Variants in FBXW7 observed in about 807,000 individuals in gnomAD.
FBXW7 encodes F-box and WD repeat domain containing 7, also known as F-box/WD repeat-containing protein 7.
Under a neutral mutation model 86.3 loss-of-function variants are expected in FBXW7, and 11 were observed. That is an observed-to-expected ratio of 0.13 (90% confidence interval 0.08 to 0.21). The LOEUF (loss-of-function observed/expected upper bound fraction) is 0.21, where lower values mean the gene tolerates loss of function less well. FBXW7 is among the 10% of genes least tolerant of loss of function. The probability of loss-of-function intolerance (pLI) is 1.00; values close to 1 mark genes in which losing one functional copy is unlikely to be tolerated. For synonymous variants in FBXW7, 313 were observed against 297.9 expected (o/e 1.05, Z -0.52); for missense variants, 488 against 847.4 (o/e 0.58, Z 5.27).
At chr4:152,408,803 T>C (rs916706580) in intron 4 of FBXW7, among the ~76,000 whole-genome samples, 2 of 152,222 alleles carry the variant, frequency 1.3e-5, no homozygotes, top group Admixed American at 1.3e-4. Flanking sequence ...AAATCTCTCA[T>C]CACGTAGTGT....
At chr4:152,390,201 G>C (rs1486384321) in intron 4 of FBXW7, among the ~76,000 whole-genome samples, 1 of 150,442 alleles carries the variant, frequency 6.6e-6, no homozygotes, top group Non-Finnish European at 1.5e-5. Flanking sequence ...GTAAACTTTG[G>C]ATTTTATTTC....
Position 152,535,977 on chromosome 4 carries a change from T to C in FBXW7, c.-1063A>G, listed in dbSNP as rs1481571040. On this transcript the variant is annotated 5_prime_UTR_variant, in exon 1 of 14. Transcript: ENST00000281708. ...GTGCAGGGGGACTGGATCTCTCGGA[T>C]GCTCCTTCGCTCTCAGTCTCAGCGG... The C allele has an allele frequency of 1.5e-5, 4 of 259,946 alleles. No individual in the cohort carries two copies. The highest frequency in any genetic ancestry group is 2.9e-5 in the Non-Finnish European group (4 of 137,846). The allele number at this position is 259,946 out of a possible 1,614,324, so 16.1% of individuals were successfully genotyped here. A position where few individuals can be genotyped will look rare whatever the true frequency, so the allele number is the denominator to read the frequency against.
chr4:152,363,345 G>T (rs958747932), intron 4 of FBXW7, among the ~76,000 whole-genome samples: 1 of 152,078 alleles, frequency 6.6e-6, no homozygotes, highest in African/African-American at 2.4e-5. Flanking sequence ...AAGCAAAAAA[G>T]ATGCAAAATT....
At chr4:152,419,036 C>G (rs571296766) in intron 2 of FBXW7, among the ~76,000 whole-genome samples, 1 of 152,212 alleles carries the variant, frequency 6.6e-6, no homozygotes, top group African/African-American at 2.4e-5. Context: ...ACAATTGAGC[C>G]TGACCATATC....
chr4:152,474,913 C>A (rs760757091), intron 2 of FBXW7, among the ~76,000 whole-genome samples: 5 of 152,058 alleles, frequency 3.3e-5, no homozygotes, highest in Non-Finnish European at 7.4e-5. Flanking sequence ...ATCCGCCCGT[C>A]TTGGCCTCCC....
intron 5 of FBXW7, among the ~76,000 whole-genome samples, chr4:152,349,767 T>G (rs1731624422): frequency 6.6e-6 from 1 of 151,914 alleles, no homozygotes; most frequent in South Asian, 2.1e-4. Context: ...TGGTTTACTT[T>G]TTAGAATTCC....
rs571540362 is a variant in FBXW7 at position 152,521,788 on chromosome 4, A to ACAAGGAAT, written c.-120+13145_-120+13152dup. Among the ~76,000 whole-genome samples the ACAAGGAAT allele has an allele frequency of 2.2e-3, 329 of 151,320 alleles. 1 individual carries two copies. Among genetic ancestry groups the ACAAGGAAT allele is most frequent in the African/African-American group, 7.4e-3 (305 of 41,208 alleles). On this transcript the variant is annotated intron_variant, in intron 2 of 13. Coordinates refer to ENST00000281708, the MANE Select transcript of FBXW7 (RefSeq NM_001349798.2). ...GGCAATTAAGAGGCTCCTGAAATGG[A>ACAAGGAAT]CAAGGAATGGTAAGGGTCCAATTTT...
At chr4:152,490,596 G>C (rs1745751510) in intron 2 of FBXW7, among the ~76,000 whole-genome samples, 1 of 152,004 alleles carries the variant, frequency 6.6e-6, no homozygotes. Context: ...AACCCTGGCA[G>C]TCTGACTCTG....
chr4:152,435,299 C>A (rs978119338), intron 2 of FBXW7, among the ~76,000 whole-genome samples: 1 of 152,092 alleles, frequency 6.6e-6, no homozygotes, highest in African/African-American at 2.4e-5. Flanking sequence ...TATTTTCATT[C>A]CTTTAACAAC....
chr4:152,501,173 T>C (rs924467799), intron 2 of FBXW7, among the ~76,000 whole-genome samples: 2 of 152,230 alleles, frequency 1.3e-5, no homozygotes, highest in African/African-American at 2.4e-5. Context: ...GCCATTATTA[T>C]GGTACACAGT....
At chr4:152,352,357 G>A in intron 4 of FBXW7, 1 of 1,320,336 alleles carries the variant, frequency 7.6e-7, no homozygotes, top group Non-Finnish European at 1.1e-6. Flanking sequence ...CAGACATCCA[G>A]CCACCCACCA....
intron 4 of FBXW7, among the ~76,000 whole-genome samples, chr4:152,396,987 A>C (rs1462803558): frequency 6.6e-6 from 1 of 152,086 alleles, no homozygotes; most frequent in Non-Finnish European, 1.5e-5. Flanking sequence ...TTGAAGAAAT[A>C]ATTTAAGGTA....
intron 4 of FBXW7, among the ~76,000 whole-genome samples, chr4:152,354,754 T>C (rs995607012): frequency 2.0e-5 from 3 of 152,124 alleles, no homozygotes; most frequent in African/African-American, 7.2e-5. Flanking sequence ...GGAAAACCTG[T>C]TCCCTACAAA....
At chr4:152,412,703 C>T (rs1398732904) in intron 2 of FBXW7, 174 bp from the exon 3 acceptor site, 3 of 151,868 alleles carry the variant, frequency 2.0e-5, no homozygotes, top group South Asian at 2.1e-4. Flanking sequence ...ACATGACGTT[C>T]ATAAAATATT....
At chr4:152,517,452 T>C (rs1310468241) in intron 2 of FBXW7, among the ~76,000 whole-genome samples, 1 of 152,222 alleles carries the variant, frequency 6.6e-6, no homozygotes, top group Non-Finnish European at 1.5e-5. Context: ...TCTATGGCTC[T>C]TATTGTGTGC....
At position 152,402,128 on chromosome 4, in the gene FBXW7, AAAT is replaced by A. The variant is rs1193068944; in HGVS notation, c.501+9172_501+9174del. ...AAGTCAACTGTTCAAACAGGTTACC[AAAT>A]AATAATAAGACTATTATTATCATAA... On this transcript the variant is annotated intron_variant, in intron 4 of 13. Coordinates refer to ENST00000281708, the MANE Select transcript of FBXW7 (RefSeq NM_001349798.2). Among the ~76,000 whole-genome samples, 16 of 152,330 alleles carry A rather than the reference AAAT, an allele frequency of 1.1e-4. No homozygotes were observed. The East Asian group carries it at 2.9e-3, about 28-fold the overall frequency.
At chr4:152,504,337 A>G (rs571103765) in intron 2 of FBXW7, among the ~76,000 whole-genome samples, 2 of 152,362 alleles carry the variant, frequency 1.3e-5, no homozygotes, top group East Asian at 3.8e-4. Flanking sequence ...ACATAAATCA[A>G]CATATATAAA....
chr4:152,358,517 A>C (rs952355735), intron 4 of FBXW7, among the ~76,000 whole-genome samples: 1 of 152,156 alleles, frequency 6.6e-6, no homozygotes, highest in Non-Finnish European at 1.5e-5. Flanking sequence ...AGACTAAAAA[A>C]AAAAAAAAGG....
intron 6 of FBXW7, among the ~76,000 whole-genome samples, chr4:152,344,858 GAA>G (rs1415873687): frequency 6.6e-6 from 1 of 152,066 alleles, no homozygotes; most frequent in Non-Finnish European, 1.5e-5. Context: ...ATCTTACTCT[GAA>G]CTACCTTCTG....
Sources: allele counts gnomAD v4.1 joint callset (sites outside exome capture counted in the v4.1 genomes callset), GRCh38; gene constraint gnomAD v4.1.1; transcripts MANE v1.5; gene names NCBI Gene and HGNC (gene_info 2026-07-23, HGNC 2026-07-21).